The following TECTA variants were observed in gnomAD, a reference collection of about 807,000 sequenced individuals.
The protein encoded by TECTA is alpha-tectorin.
A neutral mutation model predicts 216.8 loss-of-function variants in TECTA; 128 were observed. That is an observed-to-expected ratio of 0.59 (90% CI 0.51 to 0.68). TECTA has a LOEUF of 0.68. Ranked by LOEUF, TECTA falls within the 30% of genes least tolerant of loss-of-function variation. The probability of loss-of-function intolerance (pLI) is 0.00; values close to 1 mark genes in which losing one functional copy is unlikely to be tolerated. For missense variants in TECTA, 2,551 were observed against 2,786.2 expected (o/e 0.92, Z 1.90); for synonymous variants, 1,089 against 1,117.1 (o/e 0.97, Z 0.50).
At chr11:121,136,193 T>G (rs1946725039) in intron 10 of TECTA, among the ~76,000 whole-genome samples, 1 of 152,138 alleles carries the variant, frequency 6.6e-6, no homozygotes, top group Non-Finnish European at 1.5e-5. Flanking sequence ...ACTCCTGACC[T>G]CAGGTGATCC....
In TECTA at chr11:121,168,725, G is replaced by T. The variant is rs1425084557; in HGVS notation, c.5799G>T (p.Lys1933Asn). 1.2e-6 allele frequency: 2 copies of T among 1,614,164 alleles called. No individual in the cohort carries two copies. The highest frequency in any genetic ancestry group is 3.3e-5 in the Admixed American group (2 of 60,028). ...CCCAAGAAGGCAGCTTCATCACCAA[G>T]ATGGCTCTCTACAAAAACGCCTCCT... ...VPTQEGSFIT[K>N]MALYKNASYK... The change falls in exon 20 of 24, where the codon AAG (lysine) becomes AAT (asparagine). Residue 1933 changes from lysine to asparagine, a missense_variant. Coordinates refer to ENST00000392793, the MANE Select transcript of TECTA (RefSeq NM_005422.4).
intron 10 of TECTA, among the ~76,000 whole-genome samples, chr11:121,135,122 C>T (rs555635862): frequency 1.3e-5 from 2 of 152,272 alleles, no homozygotes; most frequent in African/African-American, 4.8e-5. Context: ...TTCGTCAGGC[C>T]GCCGAGCACT....
Position 121,160,250 on chromosome 11 carries a change from G to T in TECTA, c.4805G>T (p.Gly1602Val). The T allele has an allele frequency of 6.2e-7, 1 of 1,614,216 alleles. No individual in the cohort carries two copies. The highest frequency in any genetic ancestry group is 8.5e-7 in the Non-Finnish European group (1 of 1,180,046). The change falls in exon 15 of 24, where the codon GGT becomes GTT. Residue 1602 changes from glycine (G) to valine (V), a missense_variant. Physicochemically the swap from Gly to Val is moderately radical, Grantham distance 109. Transcript: ENST00000392793. ...CCAGACATCCAGATATACTACAATGGTTTCAACGTCATTAAAATCAGCATC... is the reference window on the plus strand; with the variant it reads ...CCAGACATCCAGATATACTACAATGTTTTCAACGTCATTAAAATCAGCATC... ...TSPDIQIYYN[G>V]FNVIKISISE...
intron 17 of TECTA, 128 bp from the exon 18 acceptor site, chr11:121,166,450 A>C (rs1947053918): frequency 1.1e-6 from 1 of 907,244 alleles, no homozygotes; most frequent in Admixed American, 1.9e-5. Context: ...CATAATTAGA[A>C]ATGCTGCAGC....
Position 121,105,680 on chromosome 11 carries a change from G to T in TECTA, c.65-151G>T. 1.0e-6 allele frequency: 1 copy of T among 980,792 alleles called. No homozygotes were observed. Among genetic ancestry groups the T allele is most frequent in the Non-Finnish European group, 1.6e-6 (1 of 640,686 alleles). 60.8% of individuals were successfully genotyped at this position (980,792 alleles called of 1,614,324 possible). On this transcript the variant is annotated intron_variant, in intron 2 of 23. Coordinates refer to ENST00000392793, the MANE Select transcript of TECTA (RefSeq NM_005422.4). This position sits in a 1 kb window ranked among gnomAD's most constrained non-coding sequence, Gnocchi z 5.3. ...AGCAGAAGATACTGCGCTGTGTATGGCCTAGGTTTAGGATGAATGACAGGG... is the reference window on the plus strand; with the variant it reads ...AGCAGAAGATACTGCGCTGTGTATGTCCTAGGTTTAGGATGAATGACAGGG...
At chr11:121,116,754 C>T (rs1946505898) in intron 6 of TECTA, among the ~76,000 whole-genome samples, 1 of 152,176 alleles carries the variant, frequency 6.6e-6, no homozygotes, top group South Asian at 2.1e-4. Flanking sequence ...TTGGTCCAAA[C>T]CTCCTCTATT....
At chr11:121,189,970 C>T (rs145790949) in intron 23 of TECTA, 90 bp downstream of exon 23, 9 of 1,029,446 alleles carry the variant, frequency 8.7e-6, no homozygotes, top group Admixed American at 3.5e-5. Context: ...GAAGGCCACT[C>T]GGTCAGCAAC....
At chr11:121,103,133 A>G (rs1946361917) in intron 2 of TECTA, among the ~76,000 whole-genome samples, 1 of 152,204 alleles carries the variant, frequency 6.6e-6, no homozygotes, top group Non-Finnish European at 1.5e-5. Flanking sequence ...AAACTAGGAA[A>G]TTACAATAGC....
Position 121,118,426 on chromosome 11 carries a change from T to C in TECTA, c.911T>C (p.Val304Ala), listed in dbSNP as rs938151530. Residue 304 changes from valine (V) to alanine (A), a missense_variant, in exon 7 of 24, where the codon GTG (valine) becomes GCG (alanine). By Grantham distance (64) the Val-to-Ala change is moderately conservative (BLOSUM62 0). Transcript: ENST00000392793. ...GAGGCTTCCTGTAGCCCCTACGAGG[T>C]GTGCGAACCCAAAGGCAAATTCTTC... ...CQEASCSPYE[V>A]CEPKGKFFYC... The C allele has an allele frequency of 6.2e-7, 1 of 1,614,172 alleles. No individual in the cohort carries two copies. Among genetic ancestry groups the C allele is most frequent in the Non-Finnish European group, 8.5e-7 (1 of 1,180,036 alleles).
Position 121,125,624 on chromosome 11 carries a change from A to G in TECTA, c.1526A>G (p.Gln509Arg). The change falls in exon 8 of 24, where the codon CAG becomes CGG. Residue 509 changes from glutamine (Q) to arginine (R), a missense_variant. By Grantham distance (43) the Gln-to-Arg change is conservative. This residue lies in a region of TECTA where 2,375 missense variants were observed against 2,563.9 expected (regional missense o/e 0.93). Transcript: ENST00000392793. The stretch of plus-strand genomic sequence containing the variant: ...TCCGGCTGCGTCGACAACTGCACCC[A>G]GTGCGACGCTGCCACTGAAGCCCTC... ...CDSGCVDNCT[Q>R]CDAATEALYF... 1.2e-6 allele frequency: 2 copies of G among 1,612,750 alleles called. No individual in the cohort carries two copies. The highest frequency in any genetic ancestry group is 2.2e-5 in the East Asian group (1 of 44,862).
chr11:121,125,850 C>T lies in TECTA; in HGVS notation c.1752C>T (p.Asp584=), dbSNP rs994167676. The T allele has an allele frequency of 6.2e-7, 1 of 1,610,676 alleles. No individual in the cohort carries two copies. ...AAGCCCTTGGCATTCCAATTGGAGA[C>T]TGGCGAACCCAGACTGGGTGTGGTA... ...VCQALGIPIG[D]WRTQTGCVST... is the part of the protein sequence containing the mutation. The change falls in exon 8 of 24, where the codon GAC becomes GAT. Residue 584 remains aspartate, a synonymous_variant. Transcript: ENST00000392793.
intron 23 of TECTA, chr11:121,190,229 T>C (rs1947328206): frequency 5.4e-6 from 2 of 368,740 alleles, no homozygotes; most frequent in South Asian, 4.4e-5. Context: ...AAACAAGCCT[T>C]AGCATATGGT....
chr11:121,158,659 C>T (rs570389430), intron 14 of TECTA, among the ~76,000 whole-genome samples: 1 of 152,220 alleles, frequency 6.6e-6, no homozygotes, highest in African/African-American at 2.4e-5. Flanking sequence ...AAAGCAAGCA[C>T]TTGCCTAAAA....
chr11:121,160,407 T>C lies in TECTA; in HGVS notation c.4962T>C (p.Asn1654=). The part of the protein sequence containing the change: ...SVVLAQSWKT[N]GMQKRPLAPS... ...TGCTGGCCCAGAGCTGGAAAACCAA[T>C]GGCATGCAGAAGAGGTGAGGGTGTA... Residue 1654 remains asparagine, a synonymous_variant, in exon 15 of 24, where the codon AAT becomes AAC. Transcript: ENST00000392793. The C allele has an allele frequency of 6.2e-7, 1 of 1,611,476 alleles. No individual in the cohort carries two copies. The highest frequency in any genetic ancestry group is 1.1e-5 in the South Asian group (1 of 91,064).
intron 12 of TECTA, among the ~76,000 whole-genome samples, chr11:121,150,526 G>A (rs1399597495): frequency 6.6e-6 from 1 of 151,508 alleles, no homozygotes; most frequent in Non-Finnish European, 1.5e-5. Context: ...TCTTTACATG[G>A]CAAAGAGATA....
In TECTA at chr11:121,152,992, G is replaced by T; in HGVS notation, c.4217G>T (p.Cys1406Phe). ...SDCSHYCVEG[C>F]HCDAGYVLNG... ...TGCAGCCACTACTGCGTGGAGGGCTGTCACTGCGACGCTGGCTACGTCCTC... is the reference window on the plus strand; with the variant it reads ...TGCAGCCACTACTGCGTGGAGGGCTTTCACTGCGACGCTGGCTACGTCCTC... Residue 1406 changes from cysteine (C) to phenylalanine (F), a missense_variant, in exon 13 of 24, where the codon TGT (cysteine) becomes TTT (phenylalanine). Around this residue, in one of 3 missense-constraint regions of TECTA, gnomAD observed 2,375 missense variants for 2,563.9 expected, o/e 0.93. Coordinates refer to ENST00000392793, the MANE Select transcript of TECTA (RefSeq NM_005422.4). The T allele has an allele frequency of 6.2e-7, 1 of 1,614,214 alleles. No homozygotes were observed.
chr11:121,164,191 A>G (rs1270763394), intron 16 of TECTA, among the ~76,000 whole-genome samples: 2 of 152,164 alleles, frequency 1.3e-5, no homozygotes, highest in South Asian at 2.1e-4. Flanking sequence ...TGGTGAGAAC[A>G]TGAAACTCTA....
chr11:121,155,339 G>A (rs1038261718), intron 13 of TECTA, among the ~76,000 whole-genome samples: 1 of 152,124 alleles, frequency 6.6e-6, no homozygotes, highest in African/African-American at 2.4e-5. Context: ...CCACTGTAAT[G>A]TCTGACTTCT....
intron 16 of TECTA, among the ~76,000 whole-genome samples, chr11:121,164,194 A>C (rs1036454665): frequency 2.6e-5 from 4 of 152,164 alleles, no homozygotes; most frequent in Non-Finnish European, 5.9e-5. Context: ...TGAGAACATG[A>C]AACTCTACTC....
Sources: allele counts gnomAD v4.1 joint callset (sites outside exome capture counted in the v4.1 genomes callset), GRCh38; gene constraint gnomAD v4.1.1; regional missense constraint gnomAD v4.1.1; non-coding constraint Gnocchi (gnomAD v3.1); transcripts MANE v1.5; gene names NCBI Gene and HGNC (gene_info 2026-07-23, HGNC 2026-07-21).